SEM1: variants seen among roughly 807,000 people sequenced by gnomAD.
SEM1 encodes the protein 26S proteasome complex subunit SEM1.
A neutral mutation model predicts 12.7 loss-of-function variants in SEM1; 3 were observed. That is an observed-to-expected ratio of 0.24 (90% CI 0.11 to 0.61). The LOEUF is 0.61. Among genes scored for constraint, SEM1 ranks in the 20% least tolerant of loss-of-function variants. The probability of loss-of-function intolerance (pLI) is 0.88; values close to 1 mark genes in which losing one functional copy is unlikely to be tolerated. For missense variants in SEM1, 59 were observed against 81.3 expected, an observed-to-expected ratio of 0.73 and a Z score of 1.06; for synonymous variants, 30 against 27.8, an observed-to-expected ratio of 1.08 and a Z score of -0.25.
intron 2 of SEM1, among the ~76,000 whole-genome samples, chr7:96,580,402 C>T (rs1256209982): frequency 3.3e-5 from 5 of 151,044 alleles, no homozygotes; most frequent in African/African-American, 1.2e-4. Context: ...CAAGTCTTTG[C>T]TATGGTGAAT....
downstream of SEM1, among the ~76,000 whole-genome samples, chr7:96,620,623 C>T (rs1373986123): frequency 6.6e-6 from 1 of 152,208 alleles, no homozygotes; most frequent in Non-Finnish European, 1.5e-5. Flanking sequence ...CAGCCCCCTG[C>T]CAGCAAGCTG....
At chr7:96,676,484 A>G (rs1272326647) in intron 2 of SEM1, among the ~76,000 whole-genome samples, 1 of 152,232 alleles carries the variant, frequency 6.6e-6, no homozygotes, top group Non-Finnish European at 1.5e-5. Context: ...AAATATATGT[A>G]TAAATATTTA....
chr7:96,523,189 A>C (rs746450253), intron 2 of SEM1, among the ~76,000 whole-genome samples: 1 of 152,126 alleles, frequency 6.6e-6, no homozygotes, highest in African/African-American at 2.4e-5. Flanking sequence ...GTCTCTCTCT[A>C]TATATTTTTG....
At chr7:96,581,038 C>T (rs145152009) in intron 2 of SEM1, among the ~76,000 whole-genome samples, 1,991 of 152,226 alleles carry the variant, frequency 0.013, 37 homozygotes, top group African/African-American at 0.046. Flanking sequence ...ACATGAAGTC[C>T]TTGCCCATGC....
intron 2 of SEM1, chr7:96,645,911 A>G: frequency 2.5e-6 from 1 of 398,308 alleles, no homozygotes; most frequent in Non-Finnish European, 4.4e-6. Flanking sequence ...GCCATCTTTT[A>G]TGGGTAGAGA....
At chr7:96,488,653 GA>G (rs1032579878) in intron 1 of SEM1, among the ~76,000 whole-genome samples, 1 of 152,036 alleles carries the variant, frequency 6.6e-6, no homozygotes, top group South Asian at 2.1e-4. Flanking sequence ...ATTCATCTCT[GA>G]AAAAATAACA....
rs574909967 is a variant in SEM1, at chr7:96,520,816, T to G, written c.171-14118A>C. The stretch of plus-strand genomic sequence containing the variant: ...GAAGACAGAGGCTAGTAGGCTGGCC[T>G]CCCCGATGCCCAGGCTCTCCCCTTC... On this transcript the variant is annotated intron_variant and NMD_transcript_variant, in intron 2 of 3. Coordinates refer to the SEM1 transcript ENST00000466986. Among the ~76,000 whole-genome samples the G allele has an allele frequency of 6.6e-5, 10 of 152,158 alleles. No individual in the cohort carries two copies. The East Asian group carries it at 1.9e-3, about 30-fold the overall frequency.
intron 2 of SEM1, among the ~76,000 whole-genome samples, chr7:96,521,312 T>G (rs1313942537): frequency 6.6e-6 from 1 of 152,066 alleles, no homozygotes; most frequent in Non-Finnish European, 1.5e-5. Context: ...CGTGTTAAGA[T>G]GAAAAACACA....
intron 2 of SEM1, among the ~76,000 whole-genome samples, chr7:96,590,066 T>C (rs1806780396): frequency 6.6e-6 from 1 of 152,234 alleles, no homozygotes. Flanking sequence ...TTTTATTTTT[T>C]ACCAATTATT....
intron 2 of SEM1, among the ~76,000 whole-genome samples, chr7:96,561,302 G>C (rs6961100): frequency 0.095 from 14,415 of 152,166 alleles, 695 homozygotes; most frequent in South Asian, 0.14. Flanking sequence ...AGGGGGTGAG[G>C]GTTGAAATGC....
chr7:96,587,133 A>G (rs1266737904), intron 2 of SEM1, among the ~76,000 whole-genome samples: 1 of 152,262 alleles, frequency 6.6e-6, no homozygotes, highest in African/African-American at 2.4e-5. Context: ...AATATTAAAC[A>G]TGAATACATT....
At chr7:96,597,800 C>T (rs980427238) in intron 2 of SEM1, among the ~76,000 whole-genome samples, 1 of 151,946 alleles carries the variant, frequency 6.6e-6, no homozygotes, top group African/African-American at 2.4e-5. Flanking sequence ...CCCAATCCAC[C>T]TAGTTATCTT....
rs1450331433 is a variant in SEM1 at position 96,648,379 on chromosome 7, A to G, written c.171-25736T>C. 2.6e-5 allele frequency among the ~76,000 whole-genome samples: 4 copies of G among 152,210 alleles called. No homozygotes were observed. The East Asian group carries it at 7.7e-4, about 29-fold the overall frequency. On this transcript the variant is annotated intron_variant, in intron 2 of 2. Coordinates refer to the SEM1 transcript ENST00000417009. ...AGTGTAAGTGGACACAGAAAGAGCC[A>G]CTAAACAAAGCTGAAAAAACTGACA...
chr7:96,567,182 TGA>T (rs767799553), intron 2 of SEM1, among the ~76,000 whole-genome samples: 23 of 151,590 alleles, frequency 1.5e-4, no homozygotes, highest in Non-Finnish European at 3.0e-4. Flanking sequence ...TTCAAAATAT[TGA>T]GTCTTCTTAT....
At chr7:96,662,218 T>C (rs1789027393) in intron 2 of SEM1, among the ~76,000 whole-genome samples, 1 of 152,052 alleles carries the variant, frequency 6.6e-6, no homozygotes, top group Admixed American at 6.6e-5. Context: ...AACACACATA[T>C]ACACACATGT....
Position 96,526,281 on chromosome 7 carries a change from A to ATT in SEM1, c.171-19585_171-19584dup, listed in dbSNP as rs578071644. On this transcript the variant is annotated intron_variant and NMD_transcript_variant, in intron 2 of 3. Transcript: ENST00000466986. ...GTACCTCCTTAGGCCTAAAGCATTT[A>ATT]TTTTTTTTTTTCATTTTCAAAACCA... is the stretch of plus-strand genomic sequence containing the variant. Among the ~76,000 whole-genome samples, 225 of 147,924 alleles carry ATT rather than the reference A, an allele frequency of 1.5e-3. 1 individual carries two copies. Among genetic ancestry groups the ATT allele is most frequent in the African/African-American group, 5.4e-3 (217 of 40,528 alleles).
chr7:96,541,440 T>TG (rs1563052803), intron 2 of SEM1, among the ~76,000 whole-genome samples: 76 of 135,014 alleles, frequency 5.6e-4, no homozygotes, highest in African/African-American at 2.2e-3. Flanking sequence ...GGTTTTTTTT[T>TG]TTGTTTTTTT....
chr7:96,576,237 A>G (rs1806200587), intron 2 of SEM1, among the ~76,000 whole-genome samples: 2 of 152,240 alleles, frequency 1.3e-5, no homozygotes, highest in East Asian at 3.9e-4. Flanking sequence ...GCATTTATTC[A>G]GTTCTGCTGA....
intron 2 of SEM1, among the ~76,000 whole-genome samples, chr7:96,646,925 T>C (rs371300105): frequency 6.6e-6 from 1 of 152,192 alleles, no homozygotes; most frequent in African/African-American, 2.4e-5. Context: ...CAGCCTTCAT[T>C]GGTTTTGAAG....
Sources: gnomAD v4.1 joint callset for allele counts (sites outside exome capture counted in the v4.1 genomes callset) on GRCh38, gnomAD v4.1.1 for gene constraint, MANE v1.5 for transcripts, NCBI Gene and HGNC (gene_info 2026-07-23, HGNC 2026-07-21) for gene names.